The following PTK2 variants were observed in gnomAD, a reference collection of about 807,000 sequenced individuals.
PTK2 encodes focal adhesion kinase 1.
In PTK2, 45 loss-of-function variants were observed where a neutral mutation model predicts 150.1. That is an observed-to-expected ratio of 0.30 (90% CI 0.24 to 0.38). The LOEUF (loss-of-function observed/expected upper bound fraction) is 0.38, where lower values mean the gene tolerates loss of function less well. Ranked by LOEUF, PTK2 falls within the 10% of genes least tolerant of loss-of-function variation. PTK2 has a pLI of 1.00. For missense variants in PTK2, 919 were observed against 1,307.3 expected (o/e 0.70, Z 4.58); for synonymous variants, 432 against 449.2 (o/e 0.96, Z 0.48).
intron 14 of PTK2, among the ~76,000 whole-genome samples, chr8:140,777,227 C>T (rs973047622): frequency 6.6e-6 from 1 of 152,162 alleles, no homozygotes; most frequent in African/African-American, 2.4e-5. Context: ...ACAGTTCTGC[C>T]AGCTTCATGG....
chr8:140,711,435 A>G (rs2100036819), intron 23 of PTK2, among the ~76,000 whole-genome samples: 1 of 152,150 alleles, frequency 6.6e-6, no homozygotes, highest in Non-Finnish European at 1.5e-5. Context: ...GTTTCTCTCA[A>G]TTTTATGTAA....
chr8:140,949,171 C>T (rs543886113), intron 1 of PTK2, among the ~76,000 whole-genome samples: 1 of 152,170 alleles, frequency 6.6e-6, no homozygotes, highest in South Asian at 2.1e-4. Flanking sequence ...TTATGATCTT[C>T]TTAATATTTT....
intron 31 of PTK2, among the ~76,000 whole-genome samples, chr8:140,661,375 C>T (rs2079650059): frequency 6.6e-6 from 1 of 152,014 alleles, no homozygotes; most frequent in African/African-American, 2.4e-5. Flanking sequence ...CAACCTGAGA[C>T]CTGATGAGAG....
chr8:140,972,841 C>A (rs914167964), intron 1 of PTK2, among the ~76,000 whole-genome samples: 32 of 137,118 alleles, frequency 2.3e-4, no homozygotes, highest in Non-Finnish European at 2.7e-4. Context: ...TGCCATTTTA[C>A]ATTTATTGCT....
At chr8:140,660,629 C>T (rs887581924) in intron 31 of PTK2, 13 of 454,842 alleles carry the variant, frequency 2.9e-5, no homozygotes, top group South Asian at 1.2e-4. Flanking sequence ...AGGAGGCTGA[C>T]GTGGGAGGAC....
intron 31 of PTK2, among the ~76,000 whole-genome samples, chr8:140,660,996 A>G (rs2078972361): frequency 6.6e-6 from 1 of 152,248 alleles, no homozygotes. Flanking sequence ...ACAGGACCCT[A>G]TAATACACTG....
intron 8 of PTK2, chr8:140,820,462 G>A (rs2100107824): frequency 6.6e-6 from 1 of 152,584 alleles, no homozygotes; most frequent in Admixed American, 6.5e-5. Flanking sequence ...AAAGGAGCAG[G>A]AGAGACCAAG....
At chr8:140,938,757 T>C (rs1283528583) in intron 1 of PTK2, among the ~76,000 whole-genome samples, 1 of 152,230 alleles carries the variant, frequency 6.6e-6, no homozygotes, top group Admixed American at 6.5e-5. Flanking sequence ...GCCATCATGA[T>C]TACTGTACAA....
intron 15 of PTK2, among the ~76,000 whole-genome samples, chr8:140,763,927 T>C (rs150821017): frequency 3.6e-4 from 55 of 152,230 alleles, no homozygotes; most frequent in African/African-American, 1.3e-3. Context: ...ACTTAACCAA[T>C]AATACTAATT....
rs563451825 is a variant in PTK2, at chr8:140,815,769, A to C, written c.867+2508T>G. Among the ~76,000 whole-genome samples the C allele has an allele frequency of 5.9e-5, 9 of 152,250 alleles. No homozygotes were observed. In the South Asian group the frequency reaches 1.7e-3, roughly 28 times the overall value. ...TCAATATTATCATAACTATTAATAT[A>C]ATCTACTATAATGATAAAGGAGAAA... On this transcript the variant is annotated intron_variant, in intron 10 of 31. Coordinates refer to ENST00000522684, the Ensembl canonical transcript of PTK2.
chr8:140,760,245 C>CAT (rs150116644), intron 16 of PTK2, among the ~76,000 whole-genome samples: 96 of 150,946 alleles, frequency 6.4e-4, no homozygotes, highest in South Asian at 1.5e-3. Flanking sequence ...CAAAACAAAA[C>CAT]ATATATATAT....
At position 140,693,564 on chromosome 8, in the gene PTK2, T is replaced by TTAAAAAAAAAAAAAAAAAAAAAAA. The variant is rs1181421194; in HGVS notation, c.2500-6871_2500-6870insTTTTTTTTTTTTTTTTTTTTTTTA. Among the ~76,000 whole-genome samples the TTAAAAAAAAAAAAAAAAAAAAAAA allele has an allele frequency of 5.5e-5, 4 of 72,458 alleles. 2 individuals carry two copies. Among genetic ancestry groups the TTAAAAAAAAAAAAAAAAAAAAAAA allele is most frequent in the African/African-American group, 2.4e-4 (4 of 16,620 alleles). The allele number at this position is 72,458 out of a possible 152,430, so 47.5% of individuals were successfully genotyped here. On this transcript the variant is annotated intron_variant, in intron 26 of 31. Coordinates refer to ENST00000522684, the Ensembl canonical transcript of PTK2. ...CCACAGAGTGAGACTTTGTCTCAAT[T>TTAAAAAAAAAAAAAAAAAAAAAAA]AAAAAAAAAAAAAAAAAAAAAAAAA...
intron 16 of PTK2, among the ~76,000 whole-genome samples, chr8:140,754,919 T>C (rs1304224880): frequency 6.6e-6 from 1 of 152,196 alleles, no homozygotes; most frequent in Non-Finnish European, 1.5e-5. Flanking sequence ...ACTAAAAAGT[T>C]ACTAATTGGT....
At chr8:140,708,520 C>T (rs1188614106) in intron 23 of PTK2, among the ~76,000 whole-genome samples, 2 of 152,144 alleles carry the variant, frequency 1.3e-5, no homozygotes, top group Non-Finnish European at 2.9e-5. Context: ...TCTAGCCCTG[C>T]TATTATGAGC....
At chr8:140,766,145 G>T (rs1463065425) in intron 14 of PTK2, among the ~76,000 whole-genome samples, 1 of 152,168 alleles carries the variant, frequency 6.6e-6, no homozygotes, top group Non-Finnish European at 1.5e-5. Flanking sequence ...CCAAACTGCT[G>T]AAAAGTCTCT....
chr8:140,778,456 AAGT>A (rs1399049143), intron 14 of PTK2, among the ~76,000 whole-genome samples: 1 of 152,196 alleles, frequency 6.6e-6, no homozygotes, highest in East Asian at 1.9e-4. Flanking sequence ...GTCTCAAAAA[AAGT>A]AGTAGATCTA....
At chr8:140,856,391 CAAAACAAAA>C (rs2100132640) in intron 5 of PTK2, among the ~76,000 whole-genome samples, 1 of 151,890 alleles carries the variant, frequency 6.6e-6, no homozygotes, top group Admixed American at 6.6e-5. Context: ...CAAAACAAAA[CAAAACAAAA>C]CAGTCCAGAT....
At chr8:140,803,630 G>A in exon 11 of PTK2, 1 of 1,613,844 alleles carries the variant, frequency 6.2e-7, no homozygotes, top group Non-Finnish European at 8.5e-7. Context: ...GCACTTGAGT[G>A]AAGTCAGCAA....
At chr8:140,853,136 C>T (rs532830840) in intron 5 of PTK2, among the ~76,000 whole-genome samples, 3 of 152,132 alleles carry the variant, frequency 2.0e-5, no homozygotes, top group South Asian at 4.2e-4. Flanking sequence ...ACACCTTAAA[C>T]ACTCAAGCTC....
Sources: gnomAD v4.1 joint callset for allele counts (sites outside exome capture counted in the v4.1 genomes callset) on GRCh38, gnomAD v4.1.1 for gene constraint, MANE v1.5 for transcripts, NCBI Gene and HGNC (gene_info 2026-07-23, HGNC 2026-07-21) for gene names.